The following MYRIP variants were observed in gnomAD, a reference collection of about 807,000 sequenced individuals.
The protein encoded by MYRIP is myosin VIIA and Rab interacting protein, also known as rab effector MyRIP.
MYRIP carries 49 observed loss-of-function variants against 98.0 expected under a neutral mutation model. The observed-to-expected ratio is 0.50, with a 90% CI of 0.40 to 0.63. The LOEUF (loss-of-function observed/expected upper bound fraction) is 0.63, where lower values mean the gene tolerates loss of function less well. Among genes scored for constraint, MYRIP ranks in the 30% least tolerant of loss-of-function variants. MYRIP has a pLI of 0.00. For synonymous variants in MYRIP, 404 were observed against 409.5 expected (o/e 0.99, Z 0.16); for missense variants, 1,004 against 1,058.2 (o/e 0.95, Z 0.71).
intron 2 of MYRIP, among the ~76,000 whole-genome samples, chr3:40,026,693 C>G (rs1191587635): frequency 6.6e-6 from 1 of 152,192 alleles, no homozygotes; most frequent in Non-Finnish European, 1.5e-5. Flanking sequence ...ACTGTTCAGT[C>G]TGCAACAGTC....
intron 3 of MYRIP, among the ~76,000 whole-genome samples, chr3:40,136,572 A>G (rs2125923505): frequency 6.6e-6 from 1 of 152,160 alleles, no homozygotes; most frequent in East Asian, 1.9e-4. Flanking sequence ...CCAAATCAAC[A>G]GAATATACAT....
chr3:40,181,410 C>T (rs1179454680), intron 8 of MYRIP, among the ~76,000 whole-genome samples: 1 of 152,216 alleles, frequency 6.6e-6, no homozygotes, highest in Non-Finnish European at 1.5e-5. Context: ...GTGCTGACAT[C>T]AACCAGCAGG....
intron 1 of MYRIP, among the ~76,000 whole-genome samples, chr3:39,843,600 T>C (rs1941871847): frequency 6.6e-6 from 1 of 152,194 alleles, no homozygotes; most frequent in Non-Finnish European, 1.5e-5. Context: ...TATGAGTCCA[T>C]GGCCAAATTG....
At chr3:40,087,338 T>A (rs1053374165) in intron 3 of MYRIP, among the ~76,000 whole-genome samples, 1 of 152,190 alleles carries the variant, frequency 6.6e-6, no homozygotes, top group African/African-American at 2.4e-5. Flanking sequence ...GCCCTGCCCC[T>A]GGCCAGGAGT....
intron 2 of MYRIP, among the ~76,000 whole-genome samples, chr3:39,979,983 G>A (rs143982589): frequency 3.9e-4 from 59 of 152,296 alleles, no homozygotes; most frequent in African/African-American, 1.3e-3. Flanking sequence ...GAGCACAGGA[G>A]CTCACATGCC....
At chr3:39,820,893 C>T (rs151313329) in intron 1 of MYRIP, among the ~76,000 whole-genome samples, 136 of 152,186 alleles carry the variant, frequency 8.9e-4, no homozygotes, top group Non-Finnish European at 9.6e-4. Flanking sequence ...TTGCAGGTTC[C>T]AAGTACCTGA....
chr3:40,001,197 AAAG>A (rs1458041872), intron 2 of MYRIP, among the ~76,000 whole-genome samples: 7 of 152,220 alleles, frequency 4.6e-5, no homozygotes, highest in African/African-American at 1.7e-4. Context: ...GGTGAAATGA[AAAG>A]AAGAGATATT....
At chr3:39,924,166 T>C (rs1370747161) in intron 2 of MYRIP, among the ~76,000 whole-genome samples, 1 of 152,100 alleles carries the variant, frequency 6.6e-6, no homozygotes, top group Non-Finnish European at 1.5e-5. Context: ...GGCCTAAATA[T>C]ACCAGTTGAA....
intron 1 of MYRIP, among the ~76,000 whole-genome samples, chr3:39,856,511 TG>T (rs1051861057): frequency 2.2e-4 from 34 of 152,264 alleles, no homozygotes; most frequent in Admixed American, 2.2e-3. Context: ...AAGCACAACC[TG>T]GGGTCTCACC....
At chr3:39,881,109 T>G (rs9827615) in intron 1 of MYRIP, among the ~76,000 whole-genome samples, 2 of 152,116 alleles carry the variant, frequency 1.3e-5, no homozygotes, top group Non-Finnish European at 2.9e-5. Flanking sequence ...ACTATTTTTT[T>G]AATTTAGCAT....
At chr3:40,176,315 T>C (rs1429044504) in intron 8 of MYRIP, among the ~76,000 whole-genome samples, 1 of 152,234 alleles carries the variant, frequency 6.6e-6, no homozygotes, top group Non-Finnish European at 1.5e-5. Context: ...ACATTTCAAG[T>C]GCTCAGTAGC....
intron 1 of MYRIP, among the ~76,000 whole-genome samples, chr3:39,877,760 G>C (rs1245012321): frequency 1.3e-5 from 2 of 152,250 alleles, no homozygotes; most frequent in African/African-American, 2.4e-5. Context: ...CTACTGGGGG[G>C]TACCTCCCAG....
intron 10 of MYRIP, among the ~76,000 whole-genome samples, chr3:40,193,279 C>T (rs1951294452): frequency 6.6e-6 from 1 of 152,054 alleles, no homozygotes; most frequent in African/African-American, 2.4e-5. Context: ...AATGTTAAAA[C>T]AATAATAGAT....
At position 40,014,769 on chromosome 3, in the gene MYRIP, T is replaced by C. The variant is rs538634212; in HGVS notation, c.111-29281T>C. 2.6e-5 allele frequency among the ~76,000 whole-genome samples: 4 copies of C among 152,358 alleles called. No individual in the cohort carries two copies. The East Asian group carries it at 7.7e-4, about 29-fold the overall frequency. On this transcript the variant is annotated intron_variant, in intron 2 of 16. Coordinates refer to ENST00000302541, the MANE Select transcript of MYRIP (RefSeq NM_015460.4). ...CTTGTCCCAGTTACATACATTTTGT[T>C]GGATCCATGTACATGTTTTGAATCA... is the stretch of plus-strand genomic sequence containing the variant.
At chr3:40,087,507 C>A (rs925726568) in intron 3 of MYRIP, among the ~76,000 whole-genome samples, 2 of 151,956 alleles carry the variant, frequency 1.3e-5, no homozygotes, top group Admixed American at 1.3e-4. Context: ...AGTTCTATTA[C>A]AGAGGGCATT....
At chr3:40,184,910 A>C (rs1469287056) in intron 9 of MYRIP, among the ~76,000 whole-genome samples, 1 of 152,200 alleles carries the variant, frequency 6.6e-6, no homozygotes, top group African/African-American at 2.4e-5. Context: ...AAAGATTTAA[A>C]ATTTTTTAAA....
intron 2 of MYRIP, among the ~76,000 whole-genome samples, chr3:39,928,302 C>G (rs1944461716): frequency 6.7e-6 from 1 of 150,252 alleles, no homozygotes; most frequent in Admixed American, 6.6e-5. Context: ...ATAGGAGGGA[C>G]TACTTCTCAA....
chr3:39,996,399 C>G (rs1310087770), intron 2 of MYRIP, among the ~76,000 whole-genome samples: 1 of 152,236 alleles, frequency 6.6e-6, no homozygotes, highest in African/African-American at 2.4e-5. Context: ...TCTGATAAAA[C>G]AGACTTTAAA....
chr3:39,821,960 AT>A (rs1395515906), intron 1 of MYRIP, among the ~76,000 whole-genome samples: 3 of 150,874 alleles, frequency 2.0e-5, no homozygotes, highest in African/African-American at 4.9e-5. Context: ...CAAATATTCC[AT>A]TTTTTAACTG....
Sources: allele counts gnomAD v4.1 joint callset (sites outside exome capture counted in the v4.1 genomes callset), GRCh38; gene constraint gnomAD v4.1.1; transcripts MANE v1.5; gene names NCBI Gene and HGNC (gene_info 2026-07-23, HGNC 2026-07-21).